ACY1: variants seen among roughly 807,000 people sequenced by gnomAD.
The protein encoded by ACY1 is aminoacylase 1, also known as aminoacylase-1.
ACY1 carries 38 observed loss-of-function variants against 53.3 expected under a neutral mutation model. The observed-to-expected ratio is 0.71, with a 90% CI of 0.55 to 0.93. The LOEUF (loss-of-function observed/expected upper bound fraction) is 0.93. ACY1 is among the 40% of genes least tolerant of loss of function. The pLI is 0.00. For synonymous variants in ACY1, 177 were observed against 202.1 expected (o/e 0.88, Z 1.05); for missense variants, 484 against 540.9 (o/e 0.89, Z 1.04).
chr3:51,985,046 T>C (rs1701007352), intron 2 of ACY1, 161 bp from the exon 3 acceptor site: 1 of 779,586 alleles, frequency 1.3e-6, no homozygotes, highest in Non-Finnish European at 2.2e-6. Flanking sequence ...GCCAAAAATA[T>C]CTTCTTTCTT....
Position 51,984,767 on chromosome 3 carries a change from A to G in ACY1, c.95-440A>G, listed in dbSNP as rs935396005. On this transcript the variant is annotated intron_variant, in intron 2 of 14. Transcript: ENST00000636358. ...GAGGTTGAGGCTGCAGTGAGCCGAGATCGCACCACTTCACTCCTGCCTTGG... is the reference window on the plus strand; with the variant it reads ...GAGGTTGAGGCTGCAGTGAGCCGAGGTCGCACCACTTCACTCCTGCCTTGG... 9.7e-5 allele frequency: 25 copies of G among 258,042 alleles called. No homozygotes were observed. In the Admixed American group the frequency reaches 1.1e-3, roughly 11 times the overall value. The allele number at this position is 258,042 out of a possible 1,614,324, so 16.0% of individuals were successfully genotyped here.
chr3:51,989,123 G>T lies in ACY1; in HGVS notation c.*48G>T. 6.2e-7 allele frequency: 1 copy of T among 1,606,630 alleles called. No homozygotes were observed. The highest frequency in any genetic ancestry group is 8.5e-7 in the Non-Finnish European group (1 of 1,178,684). The stretch of plus-strand genomic sequence containing the variant: ...GCCCCTGGGGCTTCCATCCCAACCA[G>T]TGCCAAGGACCTCCTCTTCCCCCTT... On this transcript the variant is annotated 3_prime_UTR_variant, in exon 15 of 15. Coordinates refer to ENST00000636358, the MANE Select transcript of ACY1 (RefSeq NM_000666.3).
Position 51,987,624 on chromosome 3 carries a change from G to A in ACY1, c.921G>A (p.Gln307=), listed in dbSNP as rs765250665. Reference sequence around the variant, plus strand: ...AGGGGGTCACCCTAGAGTTTGCTCAGGTATGGACTTGGGACATGTGATGGG... The same window carrying A: ...AGGGGGTCACCCTAGAGTTTGCTCAAGTATGGACTTGGGACATGTGATGGG... The part of the protein sequence containing the change: ...AGEGVTLEFA[Q]KWMHPQVTPT... Residue 307 remains glutamine, a splice_region_variant and synonymous_variant, in exon 12 of 15, where the codon CAG becomes CAA. Transcript: ENST00000636358. 1 of 1,613,886 alleles carries A rather than the reference G, an allele frequency of 6.2e-7. No individual in the cohort carries two copies. The highest frequency in any genetic ancestry group is 1.7e-5 in the Admixed American group (1 of 60,020).
intron 4 of ACY1, 60 bp downstream of exon 4, chr3:51,985,525 C>T: frequency 1.9e-6 from 3 of 1,538,876 alleles, no homozygotes; most frequent in Non-Finnish European, 2.7e-6. Context: ...TGATGCAGAC[C>T]CCAGGATTCA....
rs1391637088 is a variant in ACY1 at position 51,985,284 on chromosome 3, C to T, written c.159+13C>T. 1 of 1,612,264 alleles carries T rather than the reference C, an allele frequency of 6.2e-7. No individual in the cohort carries two copies. Among genetic ancestry groups the T allele is most frequent in the Non-Finnish European group, 8.5e-7 (1 of 1,179,244 alleles). On this transcript the variant is annotated intron_variant, in intron 3 of 14. Coordinates refer to ENST00000636358, the MANE Select transcript of ACY1 (RefSeq NM_000666.3). ...TCAGAAAGTAGAGGTGAGCCTGGGG[C>T]CCTAAGCGGGGAAGGGAGGTGGGCC...
At chr3:51,984,179 G>A in intron 2 of ACY1, 21 bp downstream of exon 2, 1 of 1,611,750 alleles carries the variant, frequency 6.2e-7, no homozygotes, top group Non-Finnish European at 8.5e-7. Context: ...GGTGGTTCCA[G>A]AGCCTGTGAC....
intron 7 of ACY1, 48 bp downstream of exon 7, chr3:51,986,552 C>G (rs769587878): frequency 8.7e-6 from 14 of 1,614,016 alleles, no homozygotes; most frequent in Non-Finnish European, 8.5e-6. Flanking sequence ...GAGTAGGAGG[C>G]TGCTAGTGGG....
Position 51,986,353 on chromosome 3 carries a change from T to C in ACY1, c.436+22T>C, listed in dbSNP as rs1231950398. On this transcript the variant is annotated intron_variant, in intron 6 of 14. Transcript: ENST00000636358. ...CCTGGTAGGAGTGGCTCAGATACCTTTGGGAAAGGGGAGGGTGGGGCGGGG... is the reference window on the plus strand; with the variant it reads ...CCTGGTAGGAGTGGCTCAGATACCTCTGGGAAAGGGGAGGGTGGGGCGGGG... 13 of 1,475,616 alleles carry C rather than the reference T, an allele frequency of 8.8e-6. 1 individual carries two copies. In the South Asian group the frequency reaches 9.0e-5, roughly 10 times the overall value. 91.4% of individuals were successfully genotyped at this position (1,475,616 alleles called of 1,614,324 possible).
rs672601350 is a variant in ACY1, at chr3:51,988,602, ATGTGAG to A, written c.1001_1001+5del. Reference sequence around the variant, plus strand: ...AGCTTTTAGCCGGGTCTGCAAGGATATGTGAGCACGCTGGCCAGCTCTCCTCACAGC... The same window carrying A: ...AGCTTTTAGCCGGGTCTGCAAGGATACACGCTGGCCAGCTCTCCTCACAGC... On this transcript the variant is annotated splice_donor_variant and splice_donor_5th_base_variant and coding_sequence_variant and intron_variant, in exon 13 of 15. Coordinates refer to ENST00000636358, the MANE Select transcript of ACY1 (RefSeq NM_000666.3). LOFTEE classifies it high-confidence loss of function. The A allele has an allele frequency of 1.2e-6, 2 of 1,614,072 alleles. No homozygotes were observed. Among genetic ancestry groups the A allele is most frequent in the Non-Finnish European group, 1.7e-6 (2 of 1,179,992 alleles).
intron 4 of ACY1, 49 bp downstream of exon 4, chr3:51,985,514 A>G (rs1338441917): frequency 1.9e-6 from 3 of 1,565,496 alleles, no homozygotes; most frequent in Non-Finnish European, 2.6e-6. Context: ...GGGGACAGAC[A>G]TGATGCAGAC....
Position 51,988,531 on chromosome 3 carries a change from T to G in ACY1, c.929T>G (p.Met310Arg). The G allele has an allele frequency of 6.2e-7, 1 of 1,614,106 alleles. No homozygotes were observed. Among genetic ancestry groups the G allele is most frequent in the South Asian group, 1.1e-5 (1 of 91,088 alleles). ...ATTCTTCCTGTCCCTCAGAAGTGGA[T>G]GCACCCCCAAGTGACACCTACTGAT... ...GVTLEFAQKWMHPQVTPTDDS... is the reference protein window; with the variant it reads ...GVTLEFAQKWRHPQVTPTDDS... Residue 310 changes from methionine (M) to arginine (R), a missense_variant, in exon 13 of 15, where the codon ATG becomes AGG. By Grantham distance (91) the Met-to-Arg change is moderately conservative. Transcript: ENST00000636358.
In ACY1 at chr3:51,987,182, G is replaced by A. The variant is rs1270297881; in HGVS notation, c.693G>A (p.Glu231=). The change falls in exon 10 of 15, where the codon GAG becomes GAA. Residue 231 remains glutamate, a synonymous_variant. Transcript: ENST00000636358. ...KVVNSILAFR[E]KEWQRLQSNP... ...TAAACTCCATCCTGGCATTCCGGGA[G>A]AAGGAATGGCAGAGGTGAGGCAGCC... is the stretch of plus-strand genomic sequence containing the variant. 3 of 1,614,108 alleles carry A rather than the reference G, an allele frequency of 1.9e-6. No homozygotes were observed. The highest frequency in any genetic ancestry group is 1.3e-5 in the African/African-American group (1 of 74,938).
chr3:51,985,203 C>T lies in ACY1; in HGVS notation c.95-4C>T. 1 of 1,601,728 alleles carries T rather than the reference C, an allele frequency of 6.2e-7. No individual in the cohort carries two copies. Among genetic ancestry groups the T allele is most frequent in the Non-Finnish European group, 8.5e-7 (1 of 1,174,852 alleles). On this transcript the variant is annotated splice_region_variant and splice_polypyrimidine_tract_variant and intron_variant, in intron 2 of 14. Transcript: ENST00000636358. Reference sequence around the variant, plus strand: ...AGCAGCCCCAAGACACTCTGTGCCTCCAGGAGCTGCTGTGGCTTTCTTTGA... The same window carrying T: ...AGCAGCCCCAAGACACTCTGTGCCTTCAGGAGCTGCTGTGGCTTTCTTTGA...
intron 8 of ACY1, 42 bp from the exon 9 acceptor site, chr3:51,986,946 C>T: frequency 6.2e-7 from 1 of 1,601,312 alleles, no homozygotes; most frequent in South Asian, 1.1e-5. Context: ...TGTCTCCAGC[C>T]CCTCAGGCTG....
Position 51,986,023 on chromosome 3 carries a change from T to C in ACY1, c.359+77T>C, listed in dbSNP as rs1701043561. On this transcript the variant is annotated intron_variant, in intron 5 of 14. Transcript: ENST00000636358. ...ATTGAAGCAGGACCTGAGGGGGTGATTGGAGAAACTCAAGGCCAAGGAACA... is the reference window on the plus strand; with the variant it reads ...ATTGAAGCAGGACCTGAGGGGGTGACTGGAGAAACTCAAGGCCAAGGAACA... 8 of 1,413,562 alleles carry C rather than the reference T, an allele frequency of 5.7e-6. No homozygotes were observed. The East Asian group carries it at 7.4e-5, about 13-fold the overall frequency. The allele number at this position is 1,413,562 out of a possible 1,614,324, so 87.6% of individuals were successfully genotyped here. A position where few individuals can be genotyped will look rare whatever the true frequency, so the allele number is the denominator to read the frequency against.
intron 2 of ACY1, 77 bp downstream of exon 2, chr3:51,984,235 C>T: frequency 7.3e-7 from 1 of 1,374,400 alleles, no homozygotes; most frequent in Non-Finnish European, 1.0e-6. Flanking sequence ...CCTCCAACCC[C>T]TGTCACCCAG....
At chr3:51,984,496 A>G in intron 2 of ACY1, 4 of 423,582 alleles carry the variant, frequency 9.4e-6, no homozygotes, top group South Asian at 4.3e-5. Flanking sequence ...GGGCTGGACA[A>G]AGGCCACAGC....
chr3:51,987,416 G>A lies in ACY1; in HGVS notation c.815G>A (p.Ser272Asn). ...GTGATACCTGCCACCATGAGCGCCA[G>A]CTTTGACTTCCGTGTGGCACCGGAT... is the stretch of plus-strand genomic sequence containing the variant. ...YNVIPATMSASFDFRVAPDVD... is the reference protein window; with the variant it reads ...YNVIPATMSANFDFRVAPDVD... The change falls in exon 11 of 15, where the codon AGC (serine) becomes AAC (asparagine). Residue 272 changes from serine to asparagine, a missense_variant. Transcript: ENST00000636358. 1.2e-6 allele frequency: 2 copies of A among 1,614,192 alleles called. No individual in the cohort carries two copies. Among genetic ancestry groups the A allele is most frequent in the Non-Finnish European group, 1.7e-6 (2 of 1,180,026 alleles).
rs754591707 is a variant in ACY1, at chr3:51,985,324, C to T, written c.160-37C>T. ...GGAGGTGGGCCTGGGCACTTCCTCA[C>T]CCTGCTCAGACCACCTACCCTCCTG... On this transcript the variant is annotated intron_variant, in intron 3 of 14. Coordinates refer to ENST00000636358, the MANE Select transcript of ACY1 (RefSeq NM_000666.3). 3.7e-6 allele frequency: 6 copies of T among 1,613,742 alleles called. No homozygotes were observed. The African/African-American group carries it at 4.0e-5, about 11-fold the overall frequency.
Sources: gnomAD v4.1 joint callset for allele counts on GRCh38, gnomAD v4.1.1 for gene constraint, MANE v1.5 for transcripts, NCBI Gene and HGNC (gene_info 2026-07-23, HGNC 2026-07-21) for gene names.